SYNPR: variants seen among roughly 807,000 people sequenced by gnomAD.
SYNPR encodes the protein synaptoporin.
SYNPR carries 23 observed loss-of-function variants against 32.9 expected under a neutral mutation model. The ratio of observed to expected loss-of-function variants is 0.70; its 90% CI spans 0.50 to 0.99. The LOEUF is 0.99. Among genes scored for constraint, SYNPR ranks in the 50% least tolerant of loss-of-function variants. The pLI is 0.00. For missense variants in SYNPR, 318 were observed against 349.3 expected, an observed-to-expected ratio of 0.91 and a Z score of 0.71; for synonymous variants, 146 against 135.9, an observed-to-expected ratio of 1.07 and a Z score of -0.52.
intron 2 of SYNPR, among the ~76,000 whole-genome samples, chr3:63,264,507 G>T (rs2086464566): frequency 6.6e-6 from 1 of 152,124 alleles, no homozygotes; most frequent in African/African-American, 2.4e-5. Flanking sequence ...ATTATAAACG[G>T]AAACAACTCC....
At chr3:63,382,818 T>A (rs2087989289) in intron 2 of SYNPR, among the ~76,000 whole-genome samples, 1 of 152,206 alleles carries the variant, frequency 6.6e-6, no homozygotes, top group Non-Finnish European at 1.5e-5. Context: ...GTTTTTTACT[T>A]TCCCACCTCT....
intron 2 of SYNPR, among the ~76,000 whole-genome samples, chr3:63,432,373 G>C (rs2107147104): frequency 6.6e-6 from 1 of 152,278 alleles, no homozygotes; most frequent in East Asian, 1.9e-4. Flanking sequence ...CAGTGTTGAT[G>C]AACTGACATG....
chr3:63,235,548 T>A (rs1329790493), intron 1 of SYNPR, among the ~76,000 whole-genome samples: 3 of 152,176 alleles, frequency 2.0e-5, no homozygotes, highest in Non-Finnish European at 4.4e-5. Context: ...TGATTTGGTC[T>A]TGAGGGGACT....
chr3:63,220,565 C>T, the SYNPR span, among the ~76,000 whole-genome samples: 3 of 152,304 alleles, frequency 2.0e-5, no homozygotes, highest in East Asian at 1.9e-4. Flanking sequence ...AGAAGACTTG[C>T]TCTTTCCTGG....
At chr3:63,408,228 GGAAAGAAAGAAAGAAAGAAAGAAA>G (rs1163628616) in intron 2 of SYNPR, among the ~76,000 whole-genome samples, 1 of 26,022 alleles carries the variant, frequency 3.8e-5, no homozygotes, top group Non-Finnish European at 6.7e-5. Flanking sequence ...AAGGAAGGAA[GGAAAGAAAGAAAGAAAGAAAGAAA>G]GAAAGAAAGA....
chr3:63,220,094 T>A, the SYNPR span, among the ~76,000 whole-genome samples: 1 of 152,178 alleles, frequency 6.6e-6, no homozygotes, highest in Non-Finnish European at 1.5e-5. Context: ...CCTGAATCAG[T>A]GCCTGGCACA....
intron 3 of SYNPR, among the ~76,000 whole-genome samples, chr3:63,268,296 G>T (rs2086507888): frequency 6.6e-6 from 1 of 151,306 alleles, no homozygotes; most frequent in Non-Finnish European, 1.5e-5. Flanking sequence ...CAGCATATGT[G>T]TTTAATTGTG....
rs575472479 is a variant in SYNPR at position 63,583,231 on chromosome 3, T to A, written c.409-25894T>A. 3.3e-5 allele frequency among the ~76,000 whole-genome samples: 5 copies of A among 152,106 alleles called. No individual in the cohort carries two copies. In the South Asian group the frequency reaches 1.0e-3, roughly 32 times the overall value. ...TAATGGTGGAATGTCATAAGGTTGGTCAATCAGTTAAGGCAGGAGATGGCT... is the reference window on the plus strand; with the variant it reads ...TAATGGTGGAATGTCATAAGGTTGGACAATCAGTTAAGGCAGGAGATGGCT... On this transcript the variant is annotated intron_variant, in intron 4 of 5. Coordinates refer to ENST00000478300, the MANE Select transcript of SYNPR (RefSeq NM_001130003.2).
the SYNPR span, among the ~76,000 whole-genome samples, chr3:63,218,412 T>G: frequency 3.3e-5 from 5 of 152,176 alleles, no homozygotes; most frequent in Non-Finnish European, 7.3e-5. Flanking sequence ...GTGCCTCACA[T>G]TGCACCCAGT....
the SYNPR span, chr3:63,203,548 G>T: frequency 2.0e-5 from 3 of 152,088 alleles, no homozygotes; most frequent in Non-Finnish European, 4.4e-5. Context: ...CCGGAAGCTG[G>T]GTGACTATTT....
rs1304588826 is a variant in SYNPR, at chr3:63,278,719, G to T, written c.61G>T (p.Ala21Ser). 1.3e-6 allele frequency: 2 copies of T among 1,551,648 alleles called. No homozygotes were observed. Among genetic ancestry groups the T allele is most frequent in the Admixed American group, 3.9e-5 (2 of 51,010 alleles). Reference protein sequence around the residue: ...GTFRVLKEPLAFLRALELLFA... With the variant: ...GTFRVLKEPLSFLRALELLFA... ...CTTCCGGGTGCTGAAGGAGCCCCTT[G>T]CCTTCCTGCGAGCCCTGGAATTGGT... Residue 21 changes from alanine to serine, a missense_variant, in exon 2 of 6, where the codon GCC becomes TCC. By Grantham distance (99) the Ala-to-Ser change is moderately conservative. Transcript: ENST00000478300.
intron 2 of SYNPR, among the ~76,000 whole-genome samples, chr3:63,445,186 T>G (rs911257994): frequency 6.6e-6 from 1 of 152,206 alleles, no homozygotes; most frequent in Admixed American, 6.5e-5. Context: ...CTTATCATCA[T>G]CTGAAGCTAT....
At chr3:63,201,361 C>A in the SYNPR span, among the ~76,000 whole-genome samples, 2 of 152,240 alleles carry the variant, frequency 1.3e-5, no homozygotes, top group East Asian at 3.9e-4. Flanking sequence ...ATCTTTCTTT[C>A]TGCCTTTACC....
At position 63,516,988 on chromosome 3, in the gene SYNPR, T is replaced by C. The variant is rs116098973; in HGVS notation, c.209+36032T>C. 9.4e-3 allele frequency among the ~76,000 whole-genome samples: 1,428 copies of C among 152,260 alleles called. 28 individuals are homozygous for C. Among genetic ancestry groups the C allele is most frequent in the African/African-American group, 0.033 (1,353 of 41,556 alleles). On this transcript the variant is annotated intron_variant, in intron 3 of 5. Transcript: ENST00000478300. ...TAACCTGTCTTGCAACATTTGTTTA[T>C]AAAAACGATACCTACTTTTGCAGGA...
chr3:63,452,958 C>T (rs1001196093), intron 2 of SYNPR, among the ~76,000 whole-genome samples: 5 of 152,072 alleles, frequency 3.3e-5, no homozygotes, highest in Non-Finnish European at 5.9e-5. Flanking sequence ...CTGAGAGTGT[C>T]GAATCCTTAA....
chr3:63,322,210 A>G (rs1357637197), intron 2 of SYNPR, among the ~76,000 whole-genome samples: 1 of 152,048 alleles, frequency 6.6e-6, no homozygotes, highest in African/African-American at 2.4e-5. Context: ...TTCATTTGCA[A>G]CTTTTGTGAT....
intron 2 of SYNPR, 87 bp downstream of exon 2, chr3:63,278,829 T>A: frequency 2.9e-6 from 4 of 1,400,484 alleles, no homozygotes; most frequent in Non-Finnish European, 3.9e-6. Context: ...CCTGCTCAGT[T>A]CTGCTCCAAG....
intron 3 of SYNPR, among the ~76,000 whole-genome samples, chr3:63,531,703 T>A (rs1183530053): frequency 2.0e-5 from 3 of 152,186 alleles, no homozygotes; most frequent in East Asian, 3.9e-4. Context: ...CCCTATCAGA[T>A]AAACTTCAAA....
chr3:63,403,636 C>T (rs1045499792), intron 2 of SYNPR, among the ~76,000 whole-genome samples: 5 of 152,024 alleles, frequency 3.3e-5, no homozygotes, highest in Admixed American at 2.0e-4. Context: ...AGCTGAAACA[C>T]GAAATTGGAG....
Sources: gnomAD v4.1 joint callset for allele counts (sites outside exome capture counted in the v4.1 genomes callset) on GRCh38, gnomAD v4.1.1 for gene constraint, MANE v1.5 for transcripts, NCBI Gene and HGNC (gene_info 2026-07-23, HGNC 2026-07-21) for gene names.